The following TYR variants were observed in gnomAD, a reference collection of about 807,000 sequenced individuals.
TYR encodes tyrosinase.
TYR carries 58 observed loss-of-function variants against 51.5 expected under a neutral mutation model. That is an observed-to-expected ratio of 1.13 (90% CI 0.91 to 1.40). The LOEUF is 1.40. Ranked by LOEUF, TYR falls within the 40% of genes most tolerant of loss-of-function variation. The pLI is 0.00. For synonymous variants in TYR, 263 were observed against 235.2 expected, an observed-to-expected ratio of 1.12 and a Z score of -1.08; for missense variants, 732 against 647.4, an observed-to-expected ratio of 1.13 and a Z score of -1.42.
chr11:89,217,499 G>A (rs1408477563), intron 2 of TYR, among the ~76,000 whole-genome samples: 1 of 152,164 alleles, frequency 6.6e-6, no homozygotes, highest in Non-Finnish European at 1.5e-5. Flanking sequence ...TATGGGCCAA[G>A]CCTTGAAGTG....
intron 3 of TYR, among the ~76,000 whole-genome samples, chr11:89,281,582 G>T (rs1187758054): frequency 6.6e-6 from 1 of 151,680 alleles, no homozygotes; most frequent in Non-Finnish European, 1.5e-5. Context: ...CCTGCCCCTG[G>T]TAAGCAGATC....
chr11:89,223,202 G>A (rs917660914), intron 2 of TYR, among the ~76,000 whole-genome samples: 33 of 152,086 alleles, frequency 2.2e-4, no homozygotes, highest in Admixed American at 2.0e-3. Flanking sequence ...GTAAAACTGA[G>A]GTAATGATAA....
chr11:89,251,103 G>A (rs1420955822), intron 3 of TYR, among the ~76,000 whole-genome samples: 1 of 151,836 alleles, frequency 6.6e-6, no homozygotes, highest in African/African-American at 2.4e-5. Context: ...AAACATTAAA[G>A]CATGTTGAAA....
chr11:89,198,654 T>C (rs1159996989), intron 2 of TYR, among the ~76,000 whole-genome samples: 3 of 152,072 alleles, frequency 2.0e-5, no homozygotes, highest in Non-Finnish European at 2.9e-5. Flanking sequence ...TAAAGCACCA[T>C]TCTCAGCAAA....
At chr11:89,211,483 A>T (rs1943755021) in intron 2 of TYR, among the ~76,000 whole-genome samples, 1 of 152,078 alleles carries the variant, frequency 6.6e-6, no homozygotes, top group African/African-American at 2.4e-5. Flanking sequence ...AGAGAGTTAG[A>T]CTCCCATACA....
At chr11:89,188,739 T>C (rs1943406952) in intron 1 of TYR, among the ~76,000 whole-genome samples, 1 of 151,574 alleles carries the variant, frequency 6.6e-6, no homozygotes, top group African/African-American at 2.4e-5. Flanking sequence ...ATAATGAAGA[T>C]ATGAATAACC....
chr11:89,226,801 C>A (rs1418542430), intron 2 of TYR, among the ~76,000 whole-genome samples: 1 of 152,032 alleles, frequency 6.6e-6, no homozygotes, highest in African/African-American at 2.4e-5. Flanking sequence ...TTTCTGCTTG[C>A]TTGATATTTC....
chr11:89,289,086 A>G (rs1449016275), intron 4 of TYR, among the ~76,000 whole-genome samples: 1 of 152,014 alleles, frequency 6.6e-6, no homozygotes, highest in East Asian at 1.9e-4. Flanking sequence ...ATGTATAACT[A>G]ATTTACAAGG....
At chr11:89,273,087 C>A (rs1386707326) in intron 3 of TYR, among the ~76,000 whole-genome samples, 2 of 151,906 alleles carry the variant, frequency 1.3e-5, no homozygotes, top group East Asian at 1.9e-4. Flanking sequence ...CTTTTAATTT[C>A]CTTCAAGAAT....
At chr11:89,255,755 T>C (rs551449701) in intron 3 of TYR, among the ~76,000 whole-genome samples, 3 of 151,878 alleles carry the variant, frequency 2.0e-5, no homozygotes, top group African/African-American at 7.2e-5. Context: ...GTGATGCTGC[T>C]AATTTATTCT....
intron 2 of TYR, 119 bp downstream of exon 2, chr11:89,191,537 T>C: frequency 1.1e-6 from 1 of 919,936 alleles, no homozygotes; most frequent in Non-Finnish European, 1.7e-6. Context: ...AGAATATGTG[T>C]TGTATATACT....
At position 89,229,124 on chromosome 11, in the gene TYR, T is replaced by C. The variant is rs145533777; in HGVS notation, c.1184+1154T>C. On this transcript the variant is annotated intron_variant, in intron 3 of 4. Transcript: ENST00000263321. ...TTAATTTACCAAAATCTTCTCTTCA[T>C]TCATGTCCACAGGAACATGGACATA... 8.5e-5 allele frequency among the ~76,000 whole-genome samples: 13 copies of C among 152,210 alleles called. No individual in the cohort carries two copies. In the East Asian group the frequency reaches 1.9e-3, roughly 23 times the overall value.
chr11:89,252,510 T>C (rs1434541084), intron 3 of TYR, among the ~76,000 whole-genome samples: 1 of 151,714 alleles, frequency 6.6e-6, no homozygotes, highest in African/African-American at 2.4e-5. Flanking sequence ...TGAATGAGTA[T>C]AGTAGAAAAA....
chr11:89,245,813 T>C (rs1944259096), intron 3 of TYR, among the ~76,000 whole-genome samples: 1 of 151,834 alleles, frequency 6.6e-6, no homozygotes, highest in South Asian at 2.1e-4. Flanking sequence ...TCCCAGCTAC[T>C]TGGGAGGCTG....
chr11:89,278,143 T>C (rs1025196405), intron 3 of TYR, among the ~76,000 whole-genome samples: 1 of 151,708 alleles, frequency 6.6e-6, no homozygotes, highest in African/African-American at 2.4e-5. Context: ...TTCCATTCTG[T>C]CCTTCAGAAA....
In TYR at chr11:89,291,357, G is replaced by A. The variant is rs369594212; in HGVS notation, c.1367-3786G>A. Among the ~76,000 whole-genome samples, 176 of 151,886 alleles carry A rather than the reference G, an allele frequency of 1.2e-3. 1 individual carries two copies. Among genetic ancestry groups the A allele is most frequent in the African/African-American group, 3.9e-3 (161 of 41,476 alleles). ...TAATTTATGTAATACTTATCTAGCCGTATTTTATTTTTTTACTATGCATTA... is the reference window on the plus strand; with the variant it reads ...TAATTTATGTAATACTTATCTAGCCATATTTTATTTTTTTACTATGCATTA... On this transcript the variant is annotated intron_variant, in intron 4 of 4. Coordinates refer to ENST00000263321, the MANE Select transcript of TYR (RefSeq NM_000372.5).
intron 3 of TYR, among the ~76,000 whole-genome samples, chr11:89,252,462 C>T (rs1215347607): frequency 6.6e-6 from 1 of 151,466 alleles, no homozygotes; most frequent in Non-Finnish European, 1.5e-5. Context: ...ATCAAAATGT[C>T]CACATAAATC....
At chr11:89,241,498 A>G (rs1944193616) in intron 3 of TYR, among the ~76,000 whole-genome samples, 1 of 152,084 alleles carries the variant, frequency 6.6e-6, no homozygotes, top group African/African-American at 2.4e-5. Context: ...TTTAAATATT[A>G]TATTCAATCA....
intron 3 of TYR, among the ~76,000 whole-genome samples, chr11:89,254,737 A>C (rs1473891039): frequency 6.6e-6 from 1 of 151,658 alleles, no homozygotes; most frequent in Non-Finnish European, 1.5e-5. Context: ...AACCTTGCTA[A>C]TGCTCTATCA....
Sources: gnomAD v4.1 joint callset for allele counts (sites outside exome capture counted in the v4.1 genomes callset) on GRCh38, gnomAD v4.1.1 for gene constraint, MANE v1.5 for transcripts, NCBI Gene and HGNC (gene_info 2026-07-23, HGNC 2026-07-21) for gene names.